Variants in NEDD4L observed in about 807,000 individuals in gnomAD.
The protein encoded by NEDD4L is E3 ubiquitin-protein ligase NEDD4-like.
NEDD4L carries 54 observed loss-of-function variants against 148.9 expected under a neutral mutation model. The observed-to-expected ratio is 0.36, with a 90% confidence interval of 0.29 to 0.45. The LOEUF (loss-of-function observed/expected upper bound fraction) is 0.45, where lower values mean the gene tolerates loss of function less well. Among genes scored for constraint, NEDD4L ranks in the 20% least tolerant of loss-of-function variants. NEDD4L has a pLI of 1.00. For missense variants in NEDD4L, 856 were observed against 1,233.8 expected, an observed-to-expected ratio of 0.69 and a Z score of 4.59; for synonymous variants, 433 against 440.7, an observed-to-expected ratio of 0.98 and a Z score of 0.22.
intron 1 of NEDD4L, among the ~76,000 whole-genome samples, chr18:58,107,149 C>T (rs1019679760): frequency 6.6e-6 from 1 of 152,102 alleles, no homozygotes; most frequent in African/African-American, 2.4e-5. Context: ...AAGGACACAG[C>T]CATATTGGAT....
At chr18:58,294,789 C>T (rs560357412) in intron 5 of NEDD4L, among the ~76,000 whole-genome samples, 7 of 151,870 alleles carry the variant, frequency 4.6e-5, no homozygotes, top group Admixed American at 1.3e-4. Flanking sequence ...CCAAAGTGTA[C>T]CCAGTCTCAA....
chr18:58,298,830 CAGCAT>C (rs1356610171), intron 5 of NEDD4L, among the ~76,000 whole-genome samples: 1 of 152,168 alleles, frequency 6.6e-6, no homozygotes, highest in African/African-American at 2.4e-5. Context: ...TCTTGAATTG[CAGCAT>C]AGCATATTAT....
intron 1 of NEDD4L, among the ~76,000 whole-genome samples, chr18:58,148,652 C>T (rs143174914): frequency 5.3e-5 from 8 of 152,308 alleles, no homozygotes; most frequent in African/African-American, 1.2e-4. Flanking sequence ...AGAAGGATGC[C>T]GGTCATATTG....
At chr18:58,316,255 G>A (rs887058378) in intron 6 of NEDD4L, among the ~76,000 whole-genome samples, 5 of 152,100 alleles carry the variant, frequency 3.3e-5, no homozygotes, top group South Asian at 2.1e-4. Flanking sequence ...GTGCGCTTGC[G>A]TTCCCATCCA....
intron 2 of NEDD4L, among the ~76,000 whole-genome samples, chr18:58,179,657 A>G (rs760317012): frequency 2.6e-5 from 4 of 151,832 alleles, no homozygotes; most frequent in Non-Finnish European, 5.9e-5. Context: ...CATGAACCCT[A>G]TTGTGGAACT....
intron 16 of NEDD4L, among the ~76,000 whole-genome samples, chr18:58,347,954 G>A (rs1046761598): frequency 3.5e-5 from 5 of 141,988 alleles, no homozygotes; most frequent in African/African-American, 1.3e-4. Flanking sequence ...AGCTTATTTG[G>A]TTGATAGTGG....
At chr18:58,300,113 C>T (rs1320905027) in intron 5 of NEDD4L, among the ~76,000 whole-genome samples, 2 of 152,202 alleles carry the variant, frequency 1.3e-5, no homozygotes, top group South Asian at 2.1e-4. Context: ...GTACCCTGGA[C>T]GAGTTACTAG....
chr18:58,144,395 C>T (rs2033888079), intron 1 of NEDD4L, among the ~76,000 whole-genome samples: 1 of 152,000 alleles, frequency 6.6e-6, no homozygotes, highest in Non-Finnish European at 1.5e-5. Flanking sequence ...ACAACCAGAT[C>T]TCATGAGAAC....
intron 2 of NEDD4L, among the ~76,000 whole-genome samples, chr18:58,214,648 G>T (rs888481344): frequency 6.4e-4 from 89 of 138,288 alleles, no homozygotes; most frequent in African/African-American, 2.2e-3. Context: ...TGTGTGTTTT[G>T]TTGTTGTTGT....
intron 5 of NEDD4L, among the ~76,000 whole-genome samples, chr18:58,303,319 G>A (rs1465351717): frequency 6.6e-6 from 1 of 152,118 alleles, no homozygotes; most frequent in Non-Finnish European, 1.5e-5. Flanking sequence ...CTTTTGACAC[G>A]ACATTGAAGT....
chr18:58,329,888 G>C (rs1052098616), intron 10 of NEDD4L, among the ~76,000 whole-genome samples: 2 of 152,092 alleles, frequency 1.3e-5, no homozygotes, highest in African/African-American at 4.8e-5. Context: ...TTAAATGACA[G>C]CTTGTTTTTA....
chr18:58,284,650 CT>C (rs2053636845), intron 5 of NEDD4L, among the ~76,000 whole-genome samples: 1 of 152,096 alleles, frequency 6.6e-6, no homozygotes, highest in Non-Finnish European at 1.5e-5. Context: ...TAATCTTGTT[CT>C]TTTCAGTAAA....
intron 1 of NEDD4L, among the ~76,000 whole-genome samples, chr18:58,157,250 T>C (rs867619852): frequency 3.9e-5 from 6 of 152,076 alleles, no homozygotes; most frequent in Non-Finnish European, 8.8e-5. Context: ...AGTAATTCTT[T>C]TTGTGACTTT....
rs473740 is a variant in NEDD4L, at chr18:58,195,511, G to A, written c.122+29650G>A. On this transcript the variant is annotated intron_variant, in intron 2 of 30. Transcript: ENST00000400345. Reference sequence around the variant, plus strand: ...GGGTGCCCGGGTGGGTGGCTGCGCAGGGCCCTACCTGGGCGGGAGCGGCTG... The same window carrying A: ...GGGTGCCCGGGTGGGTGGCTGCGCAAGGCCCTACCTGGGCGGGAGCGGCTG... The A allele has an allele frequency of 0.011, 14,282 of 1,345,436 alleles. 1,201 individuals are homozygous for A. The African/African-American group carries it at 0.19, about 17-fold the overall frequency. 83.3% of individuals were successfully genotyped at this position (1,345,436 alleles called of 1,614,324 possible).
chr18:58,307,250 G>A (rs999982819), intron 5 of NEDD4L, among the ~76,000 whole-genome samples: 2 of 152,138 alleles, frequency 1.3e-5, no homozygotes, highest in Non-Finnish European at 2.9e-5. Flanking sequence ...CTGGCCCCTC[G>A]TCTTCTTGGA....
At chr18:58,274,663 G>T (rs1490161995) in intron 5 of NEDD4L, among the ~76,000 whole-genome samples, 1 of 152,178 alleles carries the variant, frequency 6.6e-6, no homozygotes, top group African/African-American at 2.4e-5. Flanking sequence ...CTTAGCCTAG[G>T]CCTGCACCAA....
At chr18:58,383,206 C>T in intron 24 of NEDD4L, 40 bp from the exon 25 acceptor site, 1 of 1,022,118 alleles carries the variant, frequency 9.8e-7, no homozygotes, top group South Asian at 1.4e-5. Context: ...TGCAAGATAA[C>T]TTCGTGATAG....
At chr18:58,174,966 G>C (rs944931860) in intron 2 of NEDD4L, among the ~76,000 whole-genome samples, 5 of 152,142 alleles carry the variant, frequency 3.3e-5, no homozygotes, top group Non-Finnish European at 7.3e-5. Flanking sequence ...TAATGGAGAA[G>C]CTTCTGAAAG....
chr18:58,326,561 G>A (rs2059329582), intron 9 of NEDD4L, among the ~76,000 whole-genome samples: 1 of 152,166 alleles, frequency 6.6e-6, no homozygotes, highest in African/African-American at 2.4e-5. Flanking sequence ...CTTGGGCTTG[G>A]TTACATGTAG....
Sources: allele counts gnomAD v4.1 joint callset (sites outside exome capture counted in the v4.1 genomes callset), GRCh38; gene constraint gnomAD v4.1.1; transcripts MANE v1.5; gene names NCBI Gene and HGNC (gene_info 2026-07-23, HGNC 2026-07-21).